Variants in FOXM1 observed in about 807,000 individuals in gnomAD.
FOXM1 encodes the protein forkhead box protein M1.
FOXM1 carries 25 observed loss-of-function variants against 63.6 expected under a neutral mutation model. The observed-to-expected ratio is 0.39, with a 90% CI of 0.29 to 0.55. FOXM1 has a LOEUF of 0.55. FOXM1 is among the 20% of genes least tolerant of loss of function. FOXM1 has a pLI of 0.60. For missense variants in FOXM1, 879 were observed against 958.7 expected, an observed-to-expected ratio of 0.92 and a Z score of 1.10; for synonymous variants, 387 against 376.9, an observed-to-expected ratio of 1.03 and a Z score of -0.31.
Position 2,865,348 on chromosome 12 carries a change from A to C in FOXM1, c.1020+7T>G, listed in dbSNP as rs772021879. The stretch of plus-strand genomic sequence containing the variant: ...CCAAGCCCCGAGCCAGAGGGAAAGA[A>C]CCTTACTGATTCCAAGTGCTCGGGC... On this transcript the variant is annotated splice_region_variant and intron_variant, in intron 6 of 8. Transcript: ENST00000359843. The C allele has an allele frequency of 2.5e-6, 4 of 1,609,740 alleles. No homozygotes were observed. In the Admixed American group the frequency reaches 6.7e-5, roughly 27 times the overall value.
chr12:2,865,321 G>C (rs1454224353), intron 6 of FOXM1, 34 bp downstream of exon 6: 1 of 1,588,514 alleles, frequency 6.3e-7, no homozygotes, highest in East Asian at 2.3e-5. Context: ...AGGAAAACAA[G>C]GCCAAGCCCC....
rs2098102474 is a variant in FOXM1 at position 2,859,247 on chromosome 12, G to A, written c.1683C>T (p.Leu561=). ...GGGAAGTACTGGGCCCCTCTGAGAA[G>A]AGCAGCTCCGGCTCATCCACACAGG... is the stretch of plus-strand genomic sequence containing the variant. ...LPPCVDEPEL[L]FSEGPSTSRW... The change falls in exon 9 of 9, where the codon CTC becomes CTT. Residue 561 remains leucine, a synonymous_variant. Transcript: ENST00000359843. 2 of 1,613,804 alleles carry A rather than the reference G, an allele frequency of 1.2e-6. No homozygotes were observed. The highest frequency in any genetic ancestry group is 2.7e-5 in the African/African-American group (2 of 75,000).
intron 8 of FOXM1, among the ~76,000 whole-genome samples, chr12:2,862,197 AAG>A (rs1491229812): frequency 1.6e-4 from 25 of 152,036 alleles, no homozygotes; most frequent in Non-Finnish European, 2.8e-4. Flanking sequence ...AAAAAAAAAA[AAG>A]AGACATGTAG....
chr12:2,864,665 C>T lies in FOXM1; in HGVS notation c.1090+18G>A, dbSNP rs369795053. ...CCAGAACAAGGACCAGGCCCAAGGC[C>T]CACTCTCCCATACTAACGTGCGCCC... On this transcript the variant is annotated intron_variant, in intron 7 of 8. Transcript: ENST00000359843. This position sits in a 1 kb window ranked among gnomAD's most constrained non-coding sequence, Gnocchi z 5.1. The T allele has an allele frequency of 1.2e-5, 19 of 1,613,114 alleles. No individual in the cohort carries two copies. The highest frequency in any genetic ancestry group is 3.3e-5 in the Admixed American group (2 of 59,992).
At chr12:2,861,199 A>T (rs1485582895) in intron 8 of FOXM1, 2 of 617,352 alleles carry the variant, frequency 3.2e-6, no homozygotes, top group Non-Finnish European at 5.7e-6. Context: ...TCACAAATTG[A>T]TAACAAAACC....
chr12:2,875,148 A>C (rs1158402281), intron 1 of FOXM1, among the ~76,000 whole-genome samples: 1 of 152,020 alleles, frequency 6.6e-6, no homozygotes, highest in East Asian at 1.9e-4. Flanking sequence ...GCCCACCACC[A>C]CGCCCGGCTA....
At chr12:2,875,597 T>C (rs1461376853) in intron 1 of FOXM1, among the ~76,000 whole-genome samples, 1 of 152,192 alleles carries the variant, frequency 6.6e-6, no homozygotes, top group African/African-American at 2.4e-5. Context: ...TGTGGTTATA[T>C]ATATTTTAAC....
rs1215052705 is a variant in FOXM1 at position 2,859,384 on chromosome 12, ACTT to A, written c.1543_1545del (p.Lys515del). The A allele has an allele frequency of 1.2e-6, 2 of 1,613,706 alleles. No individual in the cohort carries two copies. The highest frequency in any genetic ancestry group is 1.1e-5 in the South Asian group (1 of 91,054). On this transcript the variant is annotated inframe_deletion, in exon 9 of 9. Coordinates refer to ENST00000359843, the MANE Select transcript of FOXM1 (RefSeq NM_021953.4). ...GTTGGGGACCTAAGCCCACTGTAGG[ACTT>A]CTTGGGTCTTGGGGTGGGAGATTGG... is the stretch of plus-strand genomic sequence containing the variant.
intron 8 of FOXM1, among the ~76,000 whole-genome samples, chr12:2,863,543 C>T (rs1452794504): frequency 6.6e-6 from 1 of 151,606 alleles, no homozygotes; most frequent in African/African-American, 2.4e-5. Context: ...CATGTACTAC[C>T]ACCGTGGCTA....
In FOXM1 at chr12:2,859,004, G is replaced by A. The variant is rs944297456; in HGVS notation, c.1926C>T (p.Thr642=). 6.2e-7 allele frequency: 1 copy of A among 1,612,982 alleles called. No homozygotes were observed. The highest frequency in any genetic ancestry group is 1.3e-5 in the African/African-American group (1 of 74,918). Residue 642 remains threonine (T), a synonymous_variant, in exon 9 of 9, where the codon ACC becomes ACT. Coordinates refer to ENST00000359843, the MANE Select transcript of FOXM1 (RefSeq NM_021953.4). ...VGGLDFSPVQ[T]SQGASDPLPD... ...GCAAGGGGTCAGAGGCACCCTGGGA[G>A]GTTTGTACTGGGCTGAAATCCAGTC...
rs754379620 is a variant in FOXM1 at position 2,858,960 on chromosome 12, A to T, written c.1970T>A (p.Met657Lys). The T allele has an allele frequency of 6.2e-7, 1 of 1,613,540 alleles. No individual in the cohort carries two copies. The highest frequency in any genetic ancestry group is 1.7e-5 in the Admixed American group (1 of 60,004). ...TTGCAAGGGAGTGGTGCTGAGATCC[A>T]TCAGCCCCAGGGGGTCAGGCAAGGG... ...SDPLPDPLGL[M>K]DLSTTPLQSA... The change falls in exon 9 of 9, where the codon ATG (methionine) becomes AAG (lysine). Residue 657 changes from methionine (M) to lysine (K), a missense_variant. By Grantham distance (95) the Met-to-Lys change is moderately conservative (BLOSUM62 -1). This residue lies in a region of FOXM1 where 486 missense variants were observed against 453.5 expected (regional missense o/e 1.07). Transcript: ENST00000359843.
chr12:2,864,763 C>G lies in FOXM1; in HGVS notation c.1021-11G>C. ...CGGTCGTTTCTGCTGCTGCTTGTGG[C>G]AGATGGGGAGAGAAAGAAACCTATG... On this transcript the variant is annotated splice_polypyrimidine_tract_variant and intron_variant, in intron 6 of 8. Transcript: ENST00000359843. The surrounding 1 kb of genome is among the most constrained non-coding windows in gnomAD (Gnocchi z 5.1). 1 of 1,613,978 alleles carries G rather than the reference C, an allele frequency of 6.2e-7. No individual in the cohort carries two copies. The highest frequency in any genetic ancestry group is 8.5e-7 in the Non-Finnish European group (1 of 1,179,906).
At chr12:2,870,270 C>T (rs1008856836) in intron 3 of FOXM1, among the ~76,000 whole-genome samples, 1 of 152,194 alleles carries the variant, frequency 6.6e-6, no homozygotes, top group African/African-American at 2.4e-5. Flanking sequence ...GTTATCGCGC[C>T]TGGCCAAATT....
chr12:2,859,702 C>G (rs372275159), intron 8 of FOXM1, 39 bp from the exon 9 acceptor site: 4 of 1,489,558 alleles, frequency 2.7e-6, no homozygotes, highest in Non-Finnish European at 3.6e-6. Flanking sequence ...CAACGGTCAC[C>G]AGACAGGACG....
chr12:2,858,517 A>G lies in FOXM1; in HGVS notation c.*121T>C. 1.2e-6 allele frequency: 1 copy of G among 803,992 alleles called. No homozygotes were observed. The highest frequency in any genetic ancestry group is 1.9e-6 in the Non-Finnish European group (1 of 518,942). The allele number at this position is 803,992 out of a possible 1,614,324, so 49.8% of individuals were successfully genotyped here. ...TGCTACTTTTGCATAATCAGGCAGC[A>G]GGGAGCTATGAGGAGCAGAACAGTC... On this transcript the variant is annotated 3_prime_UTR_variant, in exon 9 of 9. Coordinates refer to ENST00000359843, the MANE Select transcript of FOXM1 (RefSeq NM_021953.4).
intron 5 of FOXM1, among the ~76,000 whole-genome samples, 185 bp downstream of exon 5, chr12:2,866,208 T>C (rs1565470741): frequency 6.6e-6 from 1 of 152,194 alleles, no homozygotes; most frequent in African/African-American, 2.4e-5. Context: ...GGCACAAAAA[T>C]GTGTCATTTG....
chr12:2,874,435 C>T lies in FOXM1; in HGVS notation c.44G>A (p.Arg15Lys). 6.2e-7 allele frequency: 1 copy of T among 1,613,256 alleles called. No individual in the cohort carries two copies. ...GGCATTTTGAACAGGAAGGGGCAGCCTCCGTCTTTTGAGAATCAGTGGCCG... is the reference window on the plus strand; with the variant it reads ...GGCATTTTGAACAGGAAGGGGCAGCTTCCGTCTTTTGAGAATCAGTGGCCG... ...PRRPLILKRR[R>K]LPLPVQNAPS... Residue 15 changes from arginine (R) to lysine (K), a missense_variant, in exon 2 of 9, where the codon AGG becomes AAG. Physicochemically the swap from Arg to Lys is conservative, Grantham distance 26. This residue lies in a region of FOXM1 where 255 missense variants were observed against 292.4 expected (regional missense o/e 0.87). Coordinates refer to ENST00000359843, the MANE Select transcript of FOXM1 (RefSeq NM_021953.4). The surrounding 1 kb of genome is among the most constrained non-coding windows in gnomAD (Gnocchi z 4.3).
intron 2 of FOXM1, among the ~76,000 whole-genome samples, chr12:2,873,247 A>G (rs1481760420): frequency 2.0e-5 from 3 of 151,682 alleles, no homozygotes; most frequent in Non-Finnish European, 4.4e-5. Flanking sequence ...AAAAATACCA[A>G]AATTAGCCAG....
chr12:2,874,416 T>G lies in FOXM1; in HGVS notation c.63A>C (p.Gln21His). 3 of 1,614,088 alleles carry G rather than the reference T, an allele frequency of 1.9e-6. No homozygotes were observed. The highest frequency in any genetic ancestry group is 2.5e-6 in the Non-Finnish European group (3 of 1,180,012). The change falls in exon 2 of 9, where the codon CAA becomes CAC. Residue 21 changes from glutamine (Q) to histidine (H), a missense_variant. Transcript: ENST00000359843. This position sits in a 1 kb window ranked among gnomAD's most constrained non-coding sequence, Gnocchi z 4.3. ...LKRRRLPLPVQNAPSETSEEE... is the reference protein window; with the variant it reads ...LKRRRLPLPVHNAPSETSEEE... ...CCTCTGATGTTTCACTTGGGGCATT[T>G]TGAACAGGAAGGGGCAGCCTCCGTC...
Sources: gnomAD v4.1 joint callset for allele counts (sites outside exome capture counted in the v4.1 genomes callset) on GRCh38, gnomAD v4.1.1 for gene constraint, gnomAD v4.1.1 regional missense constraint, Gnocchi (gnomAD v3.1) non-coding constraint, MANE v1.5 for transcripts, NCBI Gene and HGNC (gene_info 2026-07-23, HGNC 2026-07-21) for gene names.